The following THOC7 variants were observed in gnomAD, a reference collection of about 807,000 sequenced individuals.
THOC7 encodes the protein THO complex subunit 7.
In THOC7, 22 loss-of-function variants were observed where a neutral mutation model predicts 33.1. The ratio of observed to expected loss-of-function variants is 0.66; its 90% confidence interval spans 0.47 to 0.95. THOC7 has a LOEUF of 0.95. Among genes scored for constraint, THOC7 ranks in the 40% least tolerant of loss-of-function variants. The pLI is 0.00. For missense variants in THOC7, 184 were observed against 245.3 expected (o/e 0.75, Z 1.67); for synonymous variants, 77 against 76.8 (o/e 1.00, Z -0.01).
intron 1 of THOC7, among the ~76,000 whole-genome samples, chr3:63,840,904 C>T (rs578091179): frequency 8.5e-5 from 13 of 152,320 alleles, no homozygotes; most frequent in Admixed American, 7.8e-4. Context: ...AAACACACTA[C>T]CATTCTGACC....
chr3:63,858,745 G>A (rs1404469082), intron 1 of THOC7, among the ~76,000 whole-genome samples: 1 of 152,144 alleles, frequency 6.6e-6, no homozygotes, highest in Non-Finnish European at 1.5e-5. Context: ...GCTAGAGTTG[G>A]CAACAAGGGA....
intron 1 of THOC7, among the ~76,000 whole-genome samples, chr3:63,857,073 T>C (rs1483635321): frequency 6.6e-6 from 1 of 152,132 alleles, no homozygotes; most frequent in Non-Finnish European, 1.5e-5. Flanking sequence ...TTGCCAAAAA[T>C]TAAATGTCAC....
chr3:63,840,494 G>C (rs981609960), intron 1 of THOC7, among the ~76,000 whole-genome samples: 14 of 152,130 alleles, frequency 9.2e-5, no homozygotes, highest in Non-Finnish European at 1.9e-4. Flanking sequence ...GGGAGGCTGA[G>C]GTAGGAGGAT....
At position 63,863,757 on chromosome 3, in the gene THOC7, C is replaced by A. The variant is rs748275950; in HGVS notation, c.19+15G>T. ...GCCGTGCAGCGGGCGCGTGTGGCGG[C>A]GAGCGGGGCCTCACCGTCAGTCACG... On this transcript the variant is annotated intron_variant, in intron 1 of 7. Transcript: ENST00000295899. 6.2e-5 allele frequency: 78 copies of A among 1,249,200 alleles called. No homozygotes were observed. The highest frequency in any genetic ancestry group is 5.9e-4 in the Admixed American group (14 of 23,596). 77.4% of individuals were successfully genotyped at this position (1,249,200 alleles called of 1,614,324 possible).
chr3:63,837,949 GCA>G (rs753509190), intron 4 of THOC7, 25 bp downstream of exon 4: 112 of 1,586,528 alleles, frequency 7.1e-5, no homozygotes, highest in Non-Finnish European at 9.4e-5. Context: ...TAATGTATTT[GCA>G]CATTAAATCC....
upstream of THOC7, chr3:63,863,882 A>G (rs1702312393): frequency 8.5e-7 from 1 of 1,173,590 alleles, no homozygotes. Flanking sequence ...GCAGCCGGGT[A>G]AACAGCCATG....
intron 1 of THOC7, among the ~76,000 whole-genome samples, chr3:63,846,920 G>C (rs942003239): frequency 3.9e-5 from 6 of 152,130 alleles, no homozygotes; most frequent in African/African-American, 1.4e-4. Context: ...CATTCCCCAA[G>C]TATTTCAGCT....
chr3:63,837,081 T>C (rs891425471), intron 4 of THOC7, among the ~76,000 whole-genome samples: 1 of 152,028 alleles, frequency 6.6e-6, no homozygotes, highest in African/African-American at 2.4e-5. Flanking sequence ...GAAATTAAGC[T>C]TCATCTTAAT....
At chr3:63,854,318 A>G (rs576555555) in intron 1 of THOC7, among the ~76,000 whole-genome samples, 1 of 152,308 alleles carries the variant, frequency 6.6e-6, no homozygotes, top group Non-Finnish European at 1.5e-5. Context: ...ATTATTTTTA[A>G]TGACATCTTA....
At chr3:63,863,683 T>G in intron 1 of THOC7, 89 bp downstream of exon 1, 10 of 1,229,674 alleles carry the variant, frequency 8.1e-6, no homozygotes, top group African/African-American at 1.6e-5. Context: ...GGCCGAGGGG[T>G]TCCCGGAAGC....
At chr3:63,838,173 A>G (rs1701673541) in intron 3 of THOC7, 111 bp from the exon 4 acceptor site, 1 of 1,088,676 alleles carries the variant, frequency 9.2e-7, no homozygotes, top group African/African-American at 1.6e-5. Flanking sequence ...AGACACTAGT[A>G]TTTTTAAAAA....
chr3:63,862,033 C>T (rs1009933388), intron 1 of THOC7, among the ~76,000 whole-genome samples: 3 of 152,116 alleles, frequency 2.0e-5, no homozygotes, highest in South Asian at 4.1e-4. Context: ...TCAAGAGGTC[C>T]GCCTGCCTTG....
Position 63,838,080 on chromosome 3 carries a change from T to A in THOC7, c.266-18A>T, listed in dbSNP as rs1233146123. ...GCTACATTCTATATGAGAAGGTTTT[T>A]TAAAAGATAGTTGTAACAAAATCAA... is the stretch of plus-strand genomic sequence containing the variant. On this transcript the variant is annotated intron_variant, in intron 3 of 7. Coordinates refer to ENST00000295899, the MANE Select transcript of THOC7 (RefSeq NM_025075.4). 8.3e-6 allele frequency: 13 copies of A among 1,575,032 alleles called. No homozygotes were observed. The highest frequency in any genetic ancestry group is 1.1e-5 in the Non-Finnish European group (13 of 1,163,052).
At chr3:63,838,349 A>T in intron 3 of THOC7, 23 bp downstream of exon 3, 1 of 1,401,042 alleles carries the variant, frequency 7.1e-7, no homozygotes, top group Non-Finnish European at 9.8e-7. Context: ...AAAATTACAG[A>T]TAGAAACATT....
chr3:63,838,323 T>C (rs1701676141), intron 3 of THOC7, 49 bp downstream of exon 3: 1 of 1,299,344 alleles, frequency 7.7e-7, no homozygotes, highest in African/African-American at 1.5e-5. Context: ...ATTGTTTCCT[T>C]TAGACCATAA....
At chr3:63,837,456 A>G (rs553937872) in intron 4 of THOC7, among the ~76,000 whole-genome samples, 1 of 152,212 alleles carries the variant, frequency 6.6e-6, no homozygotes, top group South Asian at 2.1e-4. Context: ...ACTTAAAAAC[A>G]AGAGATTATA....
chr3:63,838,788 T>A (rs1053104291), intron 2 of THOC7, among the ~76,000 whole-genome samples: 1 of 152,210 alleles, frequency 6.6e-6, no homozygotes, highest in Non-Finnish European at 1.5e-5. Context: ...TAGAAATACT[T>A]TAAGATGTTT....
At chr3:63,839,980 ATATT>A (rs1241743577) in intron 1 of THOC7, among the ~76,000 whole-genome samples, 1 of 152,198 alleles carries the variant, frequency 6.6e-6, no homozygotes, top group South Asian at 2.1e-4. Context: ...ATAATAAAAA[ATATT>A]TATATACTAA....
chr3:63,838,069 GAGA>G lies in THOC7; in HGVS notation c.266-10_266-8del. On this transcript the variant is annotated splice_region_variant and splice_polypyrimidine_tract_variant and intron_variant, in intron 3 of 7. Transcript: ENST00000295899. ...GCTCCAGCTATGCTACATTCTATAT[GAGA>G]AGGTTTTTTAAAAGATAGTTGTAAC... 1.3e-6 allele frequency: 2 copies of G among 1,583,202 alleles called. No homozygotes were observed. Among genetic ancestry groups the G allele is most frequent in the Non-Finnish European group, 8.5e-7 (1 of 1,169,604 alleles).
Sources: allele counts gnomAD v4.1 joint callset (sites outside exome capture counted in the v4.1 genomes callset), GRCh38; gene constraint gnomAD v4.1.1; transcripts MANE v1.5; gene names NCBI Gene and HGNC (gene_info 2026-07-23, HGNC 2026-07-21).